The following KLHDC1 variants were observed in gnomAD, a reference collection of about 807,000 sequenced individuals.
The protein encoded by KLHDC1 is kelch domain-containing protein 1.
In KLHDC1, 53 loss-of-function variants were observed where a neutral mutation model predicts 68.3. The ratio of observed to expected loss-of-function variants is 0.78; its 90% CI spans 0.62 to 0.98. The LOEUF (loss-of-function observed/expected upper bound fraction) is 0.98. Among genes scored for constraint, KLHDC1 ranks in the 50% least tolerant of loss-of-function variants. KLHDC1 has a pLI of 0.00. For synonymous variants in KLHDC1, 148 were observed against 159.0 expected, an observed-to-expected ratio of 0.93 and a Z score of 0.52; for missense variants, 470 against 492.3, an observed-to-expected ratio of 0.95 and a Z score of 0.43.
chr14:49,734,534 T>G (rs574437471), intron 9 of KLHDC1, 55 bp from the exon 10 acceptor site: 2 of 1,012,810 alleles, frequency 2.0e-6, no homozygotes. Flanking sequence ...GGGGGAAAAT[T>G]AAAATTGTAT....
At chr14:49,709,128 A>G in intron 1 of KLHDC1, 31 bp from the exon 2 acceptor site, 1 of 947,048 alleles carries the variant, frequency 1.1e-6, no homozygotes, top group Non-Finnish European at 1.7e-6. Context: ...TGTAACTGAT[A>G]AACATAATTT....
intron 12 of KLHDC1, among the ~76,000 whole-genome samples, chr14:49,746,537 T>A (rs1473693434): frequency 6.6e-6 from 1 of 152,170 alleles, no homozygotes; most frequent in Admixed American, 6.6e-5. Flanking sequence ...TCCTAGAACA[T>A]TTGGATTGAA....
At chr14:49,699,954 GT>G in intron 1 of KLHDC1, 2 of 224,788 alleles carry the variant, frequency 8.9e-6, no homozygotes, top group South Asian at 4.2e-5. Flanking sequence ...AGGTAGTATG[GT>G]TTTCCTATCA....
At chr14:49,749,208 G>A (rs936478697) in intron 12 of KLHDC1, among the ~76,000 whole-genome samples, 53 of 151,984 alleles carry the variant, frequency 3.5e-4, no homozygotes, top group African/African-American at 1.2e-3. Flanking sequence ...CATGCTAAGA[G>A]GTCATTGGAA....
chr14:49,714,859 CTT>C lies in KLHDC1; in HGVS notation c.404+4480_404+4481del, dbSNP rs749340388. Among the ~76,000 whole-genome samples, 66 of 147,224 alleles carry C rather than the reference CTT, an allele frequency of 4.5e-4. 1 individual carries two copies. Among genetic ancestry groups the C allele is most frequent in the East Asian group, 2.3e-3 (12 of 5,134 alleles). On this transcript the variant is annotated intron_variant, in intron 4 of 12. Coordinates refer to ENST00000359332, the MANE Select transcript of KLHDC1 (RefSeq NM_172193.3). Reference sequence around the variant, plus strand: ...ATAGTATATATAATATAAAATATGTCTTTATATATTATATATACTTTTACATG... The same window carrying C: ...ATAGTATATATAATATAAAATATGTCTATATATTATATATACTTTTACATG...
At position 49,751,713 on chromosome 14, in the gene KLHDC1, G is replaced by A. The variant is rs1889324496; in HGVS notation, c.1162G>A (p.Glu388Lys). The A allele has an allele frequency of 6.2e-7, 1 of 1,603,868 alleles. No homozygotes were observed. The highest frequency in any genetic ancestry group is 8.5e-7 in the Non-Finnish European group (1 of 1,174,364). ...TTGGGCTGCAGCTAATCACCGAGAAGAACAAAGAGTCCAAAAAGAAGAAAC... is the reference window on the plus strand; with the variant it reads ...TTGGGCTGCAGCTAATCACCGAGAAAAACAAAGAGTCCAAAAAGAAGAAAC... ...TFWAAANHRE[E>K]QRVQKEETEN... Residue 388 changes from glutamate to lysine, a missense_variant, in exon 13 of 13, where the codon GAA (glutamate) becomes AAA (lysine). Physicochemically the swap from Glu to Lys is moderately conservative, Grantham distance 56. Coordinates refer to ENST00000359332, the MANE Select transcript of KLHDC1 (RefSeq NM_172193.3).
chr14:49,718,704 A>G (rs1240807007), intron 4 of KLHDC1, among the ~76,000 whole-genome samples: 1 of 140,104 alleles, frequency 7.1e-6, no homozygotes, highest in African/African-American at 2.7e-5. Flanking sequence ...GCATTTGTCA[A>G]TTTTGTTGAT....
chr14:49,722,759 G>T (rs923608313), intron 4 of KLHDC1, among the ~76,000 whole-genome samples: 2 of 152,146 alleles, frequency 1.3e-5, no homozygotes, highest in African/African-American at 4.8e-5. Context: ...ACAGATAAGA[G>T]AAGAGAGCTT....
At chr14:49,700,373 A>C (rs948814973) in intron 1 of KLHDC1, among the ~76,000 whole-genome samples, 1 of 152,026 alleles carries the variant, frequency 6.6e-6, no homozygotes, top group Non-Finnish European at 1.5e-5. Context: ...GCTTGAGTCC[A>C]GGAGTTTGAG....
intron 4 of KLHDC1, among the ~76,000 whole-genome samples, chr14:49,722,477 G>T: frequency 6.6e-6 from 1 of 152,150 alleles, no homozygotes; most frequent in Non-Finnish European, 1.5e-5. Flanking sequence ...AGTATTCCAT[G>T]GTGTGTATGT....
intron 10 of KLHDC1, among the ~76,000 whole-genome samples, chr14:49,737,239 A>G (rs375696914): frequency 4.6e-5 from 7 of 152,144 alleles, no homozygotes; most frequent in Non-Finnish European, 7.3e-5. Context: ...TTGAAGATTT[A>G]TATCAATGTA....
At position 49,740,050 on chromosome 14, in the gene KLHDC1, G is replaced by A. The variant is rs753739176; in HGVS notation, c.897-48G>A. 6.0e-5 allele frequency: 62 copies of A among 1,036,764 alleles called. No homozygotes were observed. The East Asian group carries it at 1.5e-3, about 25-fold the overall frequency. 64.2% of individuals were successfully genotyped at this position (1,036,764 alleles called of 1,614,324 possible). ...AGAATTGATTTATATATAATGTACA[G>A]TTTCTCCCATGACAGTGTTTCACTC... On this transcript the variant is annotated intron_variant, in intron 10 of 12. Coordinates refer to ENST00000359332, the MANE Select transcript of KLHDC1 (RefSeq NM_172193.3).
At chr14:49,724,286 C>G (rs1888612205) in intron 5 of KLHDC1, among the ~76,000 whole-genome samples, 1 of 151,914 alleles carries the variant, frequency 6.6e-6, no homozygotes, top group African/African-American at 2.4e-5. Context: ...ACATACACCT[C>G]TTTTTAGATA....
At position 49,728,994 on chromosome 14, in the gene KLHDC1, T is replaced by C. The variant is rs377718465; in HGVS notation, c.636T>C (p.Phe212=). ...CAVLGNKGYI[F]GGRVLQTRMN... is the part of the protein sequence containing the mutation. The stretch of plus-strand genomic sequence containing the variant: ...TTCTTGGAAATAAGGGTTATATCTT[T>C]GGCGGACGTGTTCTGGTTAGTGTTT... The change falls in exon 7 of 13, where the codon TTT becomes TTC. Residue 212 remains phenylalanine (F), a synonymous_variant. Transcript: ENST00000359332. 1.9e-5 allele frequency: 30 copies of C among 1,612,596 alleles called. No individual in the cohort carries two copies. The highest frequency in any genetic ancestry group is 1.3e-4 in the African/African-American group (10 of 74,928).
intron 11 of KLHDC1, among the ~76,000 whole-genome samples, chr14:49,743,049 G>C (rs563770029): frequency 2.1e-5 from 3 of 142,300 alleles, no homozygotes; most frequent in African/African-American, 7.9e-5. Flanking sequence ...TCCAGCCTGG[G>C]CAAGAGAGCC....
Position 49,735,049 on chromosome 14 carries a change from C to T in KLHDC1, c.896+388C>T, listed in dbSNP as rs545610770. On this transcript the variant is annotated intron_variant, in intron 10 of 12. Coordinates refer to ENST00000359332, the MANE Select transcript of KLHDC1 (RefSeq NM_172193.3). ...ATTTGTTTTTGGAAGAGGTTTAAAG[C>T]AAGTTAATCAGGAAATTTGCTTCCA... Among the ~76,000 whole-genome samples, 3 of 152,114 alleles carry T rather than the reference C, an allele frequency of 2.0e-5. No homozygotes were observed. In the South Asian group the frequency reaches 6.2e-4, roughly 32 times the overall value.
chr14:49,738,580 C>T (rs1350366276), intron 10 of KLHDC1, among the ~76,000 whole-genome samples: 1 of 152,090 alleles, frequency 6.6e-6, no homozygotes, highest in African/African-American at 2.4e-5. Flanking sequence ...GAACTCCTGA[C>T]CTTGTGATCT....
rs1888890878 is a variant in KLHDC1, at chr14:49,734,624, T to A, written c.859T>A (p.Trp287Arg). Reference sequence around the variant, plus strand: ...GATTCATAATGTCACAACAAATTGTTGGAAACAACTTACACATTTACCTAA... The same window carrying A: ...GATTCATAATGTCACAACAAATTGTAGGAAACAACTTACACATTTACCTAA... ...GWIHNVTTNC[W>R]KQLTHLPKTR... Residue 287 changes from tryptophan to arginine, a missense_variant, in exon 10 of 13, where the codon TGG becomes AGG. Coordinates refer to ENST00000359332, the MANE Select transcript of KLHDC1 (RefSeq NM_172193.3). The A allele has an allele frequency of 1.9e-6, 3 of 1,598,336 alleles. No individual in the cohort carries two copies. The highest frequency in any genetic ancestry group is 2.6e-6 in the Non-Finnish European group (3 of 1,170,266).
intron 11 of KLHDC1, among the ~76,000 whole-genome samples, chr14:49,740,618 C>T (rs995865729): frequency 2.6e-5 from 4 of 151,840 alleles, no homozygotes; most frequent in Non-Finnish European, 5.9e-5. Flanking sequence ...GGATTACAGG[C>T]GTGAGCCACC....
Sources: allele counts gnomAD v4.1 joint callset (sites outside exome capture counted in the v4.1 genomes callset), GRCh38; gene constraint gnomAD v4.1.1; transcripts MANE v1.5; gene names NCBI Gene and HGNC (gene_info 2026-07-23, HGNC 2026-07-21).